ASCC3: variants seen among roughly 807,000 people sequenced by gnomAD.
The protein encoded by ASCC3 is ASC-1 complex subunit P200.
ASCC3 carries 158 observed loss-of-function variants against 256.3 expected under a neutral mutation model. The observed-to-expected ratio is 0.62, with a 90% CI of 0.54 to 0.70. ASCC3 has a LOEUF of 0.70. ASCC3 is among the 30% of genes least tolerant of loss of function. The probability of loss-of-function intolerance (pLI) is 0.00; values close to 1 mark genes in which losing one functional copy is unlikely to be tolerated. For missense variants in ASCC3, 2,259 were observed against 2,626.0 expected (o/e 0.86, Z 3.05); for synonymous variants, 948 against 883.4 (o/e 1.07, Z -1.30).
At chr6:100,696,402 C>T (rs143233888) in intron 13 of ASCC3, among the ~76,000 whole-genome samples, 78 of 152,094 alleles carry the variant, frequency 5.1e-4, no homozygotes, top group African/African-American at 1.8e-3. Context: ...TCATATTCGG[C>T]TTTAATAAAA....
chr6:100,851,615 TAAAAA>T (rs1181231230), intron 3 of ASCC3, among the ~76,000 whole-genome samples: 2 of 152,138 alleles, frequency 1.3e-5, no homozygotes, highest in Non-Finnish European at 2.9e-5. Context: ...CACAAATACT[TAAAAA>T]AATTTAAACC....
At chr6:100,601,972 C>G in intron 33 of ASCC3, 37 bp from the exon 34 acceptor site, 1 of 1,604,080 alleles carries the variant, frequency 6.2e-7, no homozygotes, top group Non-Finnish European at 8.5e-7. Context: ...CATACAAGAG[C>G]ATTAAACTAA....
Position 100,767,227 on chromosome 6 carries a change from T to C in ASCC3, c.1514A>G (p.Lys505Arg). The change falls in exon 9 of 42, where the codon AAA becomes AGA. Residue 505 changes from lysine to arginine, a missense_variant. Lys to Arg is a conservative substitution (Grantham distance 26, BLOSUM62 2). Coordinates refer to ENST00000369162, the MANE Select transcript of ASCC3 (RefSeq NM_006828.4). ...GACTGTCAGCATTGCAATGTTGGTTTTTCCAGCTCCTGTAGGGGCACAAAT... is the reference window on the plus strand; with the variant it reads ...GACTGTCAGCATTGCAATGTTGGTTCTTCCAGCTCCTGTAGGGGCACAAAT... ...MLICAPTGAGKTNIAMLTVLH... is the reference protein window; with the variant it reads ...MLICAPTGAGRTNIAMLTVLH... 6.2e-7 allele frequency: 1 copy of C among 1,614,158 alleles called. No individual in the cohort carries two copies. Among genetic ancestry groups the C allele is most frequent in the Non-Finnish European group, 8.5e-7 (1 of 1,180,010 alleles).
intron 11 of ASCC3, among the ~76,000 whole-genome samples, chr6:100,723,092 A>G (rs1198766476): frequency 6.6e-6 from 1 of 151,678 alleles, no homozygotes; most frequent in African/African-American, 2.4e-5. Context: ...TTTCGTTTTT[A>G]TTTTTGTTAA....
At chr6:100,727,734 G>A (rs1226211992) in intron 10 of ASCC3, among the ~76,000 whole-genome samples, 19 of 151,942 alleles carry the variant, frequency 1.3e-4, no homozygotes, top group Non-Finnish European at 2.8e-4. Flanking sequence ...ATAGTTATTA[G>A]AGACAAAGAT....
chr6:100,854,502 GAACA>G (rs1272847927), intron 3 of ASCC3, among the ~76,000 whole-genome samples: 1 of 151,996 alleles, frequency 6.6e-6, no homozygotes, highest in African/African-American at 2.4e-5. Context: ...CCTTTGGGAT[GAACA>G]AATAAAGGAA....
chr6:100,618,818 C>T (rs1043118587), intron 30 of ASCC3, among the ~76,000 whole-genome samples: 3 of 152,192 alleles, frequency 2.0e-5, no homozygotes, highest in African/African-American at 7.2e-5. Context: ...TCCTACCAAA[C>T]ATGGTTCTGC....
chr6:100,512,642 G>T, intron 40 of ASCC3, 67 bp downstream of exon 40: 1 of 1,464,124 alleles, frequency 6.8e-7, no homozygotes, highest in Non-Finnish European at 9.6e-7. Context: ...TCACATAACA[G>T]ATATGTGTGG....
chr6:100,874,974 C>G (rs1278906122), intron 1 of ASCC3, among the ~76,000 whole-genome samples: 1 of 152,154 alleles, frequency 6.6e-6, no homozygotes, highest in Non-Finnish European at 1.5e-5. Context: ...AAAATGTAAG[C>G]AGAGACCAAA....
At chr6:100,720,432 G>A (rs1779273622) in intron 11 of ASCC3, among the ~76,000 whole-genome samples, 1 of 151,782 alleles carries the variant, frequency 6.6e-6, no homozygotes, top group African/African-American at 2.4e-5. Flanking sequence ...TAGATGGATG[G>A]GTGGAGTTAC....
intron 16 of ASCC3, among the ~76,000 whole-genome samples, chr6:100,661,024 T>C (rs928530889): frequency 6.6e-6 from 1 of 151,718 alleles, no homozygotes; most frequent in African/African-American, 2.4e-5. Flanking sequence ...GTACCTAATA[T>C]AGGACTTTGT....
At chr6:100,559,706 T>C (rs1419585650) in intron 36 of ASCC3, among the ~76,000 whole-genome samples, 1 of 151,914 alleles carries the variant, frequency 6.6e-6, no homozygotes, top group Non-Finnish European at 1.5e-5. Flanking sequence ...AAACACTATC[T>C]GGACGTGGTG....
rs559840279 is a variant in ASCC3, at chr6:100,629,282, T to C, written c.4209-101A>G. 49 of 1,078,388 alleles carry C rather than the reference T, an allele frequency of 4.5e-5. No individual in the cohort carries two copies. In the South Asian group the frequency reaches 7.0e-4, roughly 15 times the overall value. 66.8% of individuals were successfully genotyped at this position (1,078,388 alleles called of 1,614,324 possible). On this transcript the variant is annotated intron_variant, in intron 26 of 41. Coordinates refer to ENST00000369162, the MANE Select transcript of ASCC3 (RefSeq NM_006828.4). The stretch of plus-strand genomic sequence containing the variant: ...TTTTAAAATAAAATTTTATAAGGCT[T>C]AAAATTACTTTATCTACCTTTGATT...
intron 1 of ASCC3, among the ~76,000 whole-genome samples, chr6:100,875,493 C>A (rs1298684057): frequency 6.6e-6 from 1 of 152,118 alleles, no homozygotes; most frequent in Admixed American, 6.5e-5. Flanking sequence ...ATAATATTGT[C>A]TAAGTCAAAT....
At chr6:100,516,112 G>C in intron 39 of ASCC3, 68 bp downstream of exon 39, 3 of 1,602,928 alleles carry the variant, frequency 1.9e-6, no homozygotes, top group African/African-American at 2.7e-5. Context: ...CATGCTCTAA[G>C]TTAGAAAACT....
At chr6:100,580,935 T>C (rs1771204980) in intron 36 of ASCC3, among the ~76,000 whole-genome samples, 2 of 152,172 alleles carry the variant, frequency 1.3e-5, no homozygotes, top group South Asian at 2.1e-4. Context: ...GGCTGCATAG[T>C]ATTCCATGGT....
At chr6:100,585,741 T>C (rs1349672834) in intron 36 of ASCC3, among the ~76,000 whole-genome samples, 1 of 152,178 alleles carries the variant, frequency 6.6e-6, no homozygotes, top group East Asian at 1.9e-4. Context: ...ATGATGGTGA[T>C]GTACAGATAG....
At chr6:100,726,824 T>C (rs980875874) in intron 10 of ASCC3, among the ~76,000 whole-genome samples, 4 of 152,032 alleles carry the variant, frequency 2.6e-5, no homozygotes, top group Non-Finnish European at 5.9e-5. Flanking sequence ...CTGGGTTAAC[T>C]GTCAATACTT....
At chr6:100,790,025 C>T (rs1379815606) in intron 8 of ASCC3, among the ~76,000 whole-genome samples, 1 of 151,828 alleles carries the variant, frequency 6.6e-6, no homozygotes, top group Non-Finnish European at 1.5e-5. Context: ...TCAGGGTTGA[C>T]GTGATGTGCC....
Sources: gnomAD v4.1 joint callset for allele counts (sites outside exome capture counted in the v4.1 genomes callset) on GRCh38, gnomAD v4.1.1 for gene constraint, MANE v1.5 for transcripts, NCBI Gene and HGNC (gene_info 2026-07-23, HGNC 2026-07-21) for gene names.